Variants in KLRG1 observed in about 807,000 individuals in gnomAD.
KLRG1 encodes the protein killer cell lectin like receptor G1, also known as killer cell lectin-like receptor subfamily G member 1.
In KLRG1, 16 loss-of-function variants were observed where a neutral mutation model predicts 21.8. The ratio of observed to expected loss-of-function variants is 0.73; its 90% CI spans 0.50 to 1.11. The LOEUF is 1.11. Ranked by LOEUF, KLRG1 falls within the 50% of genes most tolerant of loss-of-function variation. The pLI is 0.00. For synonymous variants in KLRG1, 69 were observed against 75.9 expected, an observed-to-expected ratio of 0.91 and a Z score of 0.47; for missense variants, 173 against 218.3, an observed-to-expected ratio of 0.79 and a Z score of 1.31.
the KLRG1 span, chr12:9,154,818 C>T: frequency 3.8e-5 from 62 of 1,613,888 alleles, no homozygotes; most frequent in East Asian, 3.1e-4. Context: ...TCTCTGAGGG[C>T]GCTCCCAATG....
the KLRG1 span, among the ~76,000 whole-genome samples, chr12:9,092,034 T>C: frequency 1.5e-3 from 221 of 152,302 alleles, no homozygotes; most frequent in Non-Finnish European, 2.7e-3. Flanking sequence ...CAGCTCCCAG[T>C]TTCTCCCTGG....
At chr12:9,086,588 A>G in the KLRG1 span, among the ~76,000 whole-genome samples, 3 of 152,212 alleles carry the variant, frequency 2.0e-5, no homozygotes, top group Admixed American at 1.3e-4. Context: ...ACAGAATTCA[A>G]TGCTCTTTTA....
At chr12:8,980,109 C>T (rs1277768183) in intron 1 of KLRG1, among the ~76,000 whole-genome samples, 1 of 152,082 alleles carries the variant, frequency 6.6e-6, no homozygotes. Context: ...CCATGTTAGC[C>T]AGGCTGGTCT....
the KLRG1 span, chr12:9,169,603 G>T: frequency 1.3e-6 from 2 of 1,582,292 alleles, no homozygotes; most frequent in Admixed American, 1.9e-5. Flanking sequence ...TGTAGCAGTG[G>T]GGGGATCAAA....
the KLRG1 span, among the ~76,000 whole-genome samples, chr12:9,146,572 C>T: frequency 6.6e-6 from 1 of 152,084 alleles, no homozygotes; most frequent in Non-Finnish European, 1.5e-5. Flanking sequence ...TTTTCTTTGA[C>T]TCTCTGTGTT....
At chr12:9,181,811 A>G in the KLRG1 span, among the ~76,000 whole-genome samples, 1 of 152,182 alleles carries the variant, frequency 6.6e-6, no homozygotes, top group African/African-American at 2.4e-5. Flanking sequence ...TAATTGAAAA[A>G]GTGCTGTACT....
At chr12:8,979,132 A>G (rs1162757786) in intron 1 of KLRG1, among the ~76,000 whole-genome samples, 2 of 151,230 alleles carry the variant, frequency 1.3e-5, no homozygotes, top group African/African-American at 2.4e-5. Flanking sequence ...CTCCTGCCTC[A>G]GCCTCCTGAG....
the KLRG1 span, chr12:9,160,396 G>A: frequency 2.9e-4 from 461 of 1,614,012 alleles, 2 homozygotes; most frequent in Non-Finnish European, 2.3e-4. Flanking sequence ...AGACATAGAT[G>A]TTAGGAGCAA....
the KLRG1 span, among the ~76,000 whole-genome samples, chr12:9,082,149 C>T: frequency 6.6e-6 from 1 of 152,218 alleles, no homozygotes; most frequent in East Asian, 1.9e-4. Context: ...GCCAAAACCT[C>T]ACTCCATGGC....
At chr12:9,175,473 A>G in the KLRG1 span, among the ~76,000 whole-genome samples, 1 of 152,180 alleles carries the variant, frequency 6.6e-6, no homozygotes, top group Non-Finnish European at 1.5e-5. Flanking sequence ...AGATATAATT[A>G]AATTAAAGAA....
the KLRG1 span, chr12:9,192,446 C>T: frequency 2.7e-6 from 4 of 1,456,328 alleles, no homozygotes; most frequent in Middle Eastern, 7.0e-4. Flanking sequence ...TTTGACATTC[C>T]TGAGCCTATT....
At chr12:9,100,705 TGGAAATGGTCTCTCGTTACTTGAAA>T in the KLRG1 span, among the ~76,000 whole-genome samples, 3 of 152,354 alleles carry the variant, frequency 2.0e-5, no homozygotes, top group South Asian at 6.2e-4. Flanking sequence ...TAATATTAGA[TGGAAATGGTCTCTCGTTACTTGAAA>T]GTATTCCTGA....
chr12:9,206,510 G>T, the KLRG1 span, among the ~76,000 whole-genome samples: 1 of 152,192 alleles, frequency 6.6e-6, no homozygotes, highest in East Asian at 1.9e-4. Context: ...TTAAATATTT[G>T]CCTCTTTAGC....
At chr12:9,203,799 T>C in the KLRG1 span, 1 of 1,614,088 alleles carries the variant, frequency 6.2e-7, no homozygotes, top group Non-Finnish European at 8.5e-7. Flanking sequence ...TAAGTCCTTC[T>C]CCGCCACCAG....
chr12:9,106,058 A>G, the KLRG1 span, among the ~76,000 whole-genome samples: 1 of 152,204 alleles, frequency 6.6e-6, no homozygotes, highest in Non-Finnish European at 1.5e-5. Context: ...AGAAGAATAA[A>G]TCTATTTTTA....
the KLRG1 span, among the ~76,000 whole-genome samples, chr12:9,120,852 C>CATGT: frequency 6.5e-3 from 936 of 143,462 alleles, 4 homozygotes; most frequent in Admixed American, 8.9e-3. Context: ...ATCCCACTAA[C>CATGT]GTGTGTGTGT....
the KLRG1 span, chr12:9,058,466 T>C: frequency 2.0e-5 from 3 of 152,220 alleles, no homozygotes; most frequent in Non-Finnish European, 2.9e-5. Flanking sequence ...AACAAACATA[T>C]ATGTTTTAAT....
At chr12:9,163,815 G>A in the KLRG1 span, 1 of 1,605,516 alleles carries the variant, frequency 6.2e-7, no homozygotes, top group Non-Finnish European at 8.5e-7. Flanking sequence ...TTGAAAACAT[G>A]AGTATCCACT....
the KLRG1 span, chr12:9,149,021 G>T: frequency 6.2e-7 from 1 of 1,604,190 alleles, no homozygotes; most frequent in Non-Finnish European, 8.5e-7. Flanking sequence ...AACGTAAGGA[G>T]GTTGTATCAT....
Sources: gnomAD v4.1 joint callset for allele counts (sites outside exome capture counted in the v4.1 genomes callset) on GRCh38, gnomAD v4.1.1 for gene constraint, MANE v1.5 for transcripts, NCBI Gene and HGNC (gene_info 2026-07-23, HGNC 2026-07-21) for gene names.